Variants in ZNF143 observed in about 807,000 individuals in gnomAD.
ZNF143 encodes SPH-binding factor.
ZNF143 carries 49 observed loss-of-function variants against 74.1 expected under a neutral mutation model. That is an observed-to-expected ratio of 0.66 (90% confidence interval 0.53 to 0.84). ZNF143 has a LOEUF of 0.84. ZNF143 is among the 40% of genes least tolerant of loss of function. The pLI, the probability that ZNF143 is intolerant of heterozygous loss-of-function variation, is 0.00. For missense variants in ZNF143, 637 were observed against 793.4 expected (o/e 0.80, Z 2.37); for synonymous variants, 304 against 282.8 (o/e 1.07, Z -0.75).
rs751182860 is a variant in ZNF143, at chr11:9,472,729, T to G, written c.165T>G (p.Leu55=). 52 of 1,603,032 alleles carry G rather than the reference T, an allele frequency of 3.2e-5. No individual in the cohort carries two copies. The highest frequency in any genetic ancestry group is 4.3e-5 in the Non-Finnish European group (51 of 1,176,450). Residue 55 remains leucine, a synonymous_variant, in exon 3 of 16, where the codon CTT becomes CTG. Transcript: ENST00000396602. ...GCGTAAGCTTGCAAGCAGTAACACT[T>G]GCAGATGGTTCTACTGCTTACATAC... ...MEGVSLQAVT[L]ADGSTAYIQH... is the part of the protein sequence containing the mutation.
chr11:9,488,750 T>A (rs941394438), intron 7 of ZNF143, among the ~76,000 whole-genome samples: 39 of 152,316 alleles, frequency 2.6e-4, no homozygotes, highest in African/African-American at 8.7e-4. Context: ...AAAGTAGGTA[T>A]TTTGCCAATC....
intron 14 of ZNF143, 66 bp downstream of exon 14, chr11:9,516,428 G>A: frequency 7.0e-7 from 1 of 1,423,440 alleles, no homozygotes; most frequent in Non-Finnish European, 9.5e-7. Flanking sequence ...ACATAGGTAT[G>A]CAATGTGGTA....
chr11:9,475,414 C>T (rs1856819144), intron 5 of ZNF143, among the ~76,000 whole-genome samples: 1 of 152,104 alleles, frequency 6.6e-6, no homozygotes, highest in Non-Finnish European at 1.5e-5. Context: ...TGTGTGTCAC[C>T]ACAGCCAGCT....
At chr11:9,511,847 G>A (rs1848560996) in intron 12 of ZNF143, among the ~76,000 whole-genome samples, 1 of 150,596 alleles carries the variant, frequency 6.6e-6, no homozygotes, top group Admixed American at 6.6e-5. Context: ...TGCCTCCCGG[G>A]TTCATGCCAT....
At chr11:9,522,560 C>T (rs1589954399) in intron 14 of ZNF143, among the ~76,000 whole-genome samples, 1 of 152,318 alleles carries the variant, frequency 6.6e-6, no homozygotes, top group East Asian at 1.9e-4. Context: ...ATGGCACGCT[C>T]TCGGCTCACT....
intron 14 of ZNF143, among the ~76,000 whole-genome samples, chr11:9,522,369 G>A (rs10082685): frequency 0.05 from 7,640 of 151,816 alleles, 266 homozygotes; most frequent in Non-Finnish European, 0.075. Context: ...AGGACTGCAG[G>A]TACAAGCCAC....
chr11:9,474,534 A>G lies in ZNF143; in HGVS notation c.290-16A>G, dbSNP rs375953233. On this transcript the variant is annotated splice_polypyrimidine_tract_variant and intron_variant, in intron 4 of 15. Transcript: ENST00000396602. ...GCTAGAAAACATGAGATCTAAATGT[A>G]AGCATTGTTCTTGAGCAGGGGACAG... The G allele has an allele frequency of 1.2e-6, 2 of 1,613,710 alleles. No homozygotes were observed. Among genetic ancestry groups the G allele is most frequent in the South Asian group, 1.1e-5 (1 of 91,080 alleles).
At chr11:9,495,169 C>T (rs771535758) in intron 8 of ZNF143, among the ~76,000 whole-genome samples, 3 of 152,092 alleles carry the variant, frequency 2.0e-5, no homozygotes, top group Non-Finnish European at 2.9e-5. Flanking sequence ...TAAGGCTGGG[C>T]GTGGTGGCTC....
At chr11:9,478,641 T>C in intron 6 of ZNF143, 55 bp downstream of exon 6, 7 of 1,550,364 alleles carry the variant, frequency 4.5e-6, no homozygotes, top group Non-Finnish European at 5.2e-6. Flanking sequence ...TTATTTTTCA[T>C]GAAAAGAAAA....
At chr11:9,504,114 C>T (rs1464661381) in intron 11 of ZNF143, among the ~76,000 whole-genome samples, 3 of 151,556 alleles carry the variant, frequency 2.0e-5, no homozygotes, top group Non-Finnish European at 4.4e-5. Flanking sequence ...ACACCTGCCA[C>T]CACACCCAGC....
At chr11:9,520,323 ATTTTTTTTTTT>A (rs984661960) in intron 14 of ZNF143, among the ~76,000 whole-genome samples, 42 of 122,398 alleles carry the variant, frequency 3.4e-4, no homozygotes, top group Admixed American at 2.3e-3. Flanking sequence ...TGCCTGTCCA[ATTTTTTTTTTT>A]TTTTTTTTTT....
chr11:9,528,095 A>T lies in ZNF143; in HGVS notation c.*482A>T, dbSNP rs1849189495. ...GTAGAGTGTCTGCGGTTTTTGTTCT[A>T]CTATATGCTTGTCCATTTTTATTTG... On this transcript the variant is annotated 3_prime_UTR_variant, in exon 16 of 16. Transcript: ENST00000396602. 2.0e-5 allele frequency: 3 copies of T among 152,838 alleles called. No individual in the cohort carries two copies. The highest frequency in any genetic ancestry group is 2.9e-5 in the Non-Finnish European group (2 of 68,192). The allele number at this position is 152,838 out of a possible 1,614,324, so 9.5% of individuals were successfully genotyped here. A position where few individuals can be genotyped will look rare whatever the true frequency, so the allele number is the denominator to read the frequency against.
chr11:9,489,872 A>G (rs1847703208), intron 7 of ZNF143, among the ~76,000 whole-genome samples: 2 of 152,192 alleles, frequency 1.3e-5, no homozygotes, highest in African/African-American at 4.8e-5. Flanking sequence ...AAAACTCTAC[A>G]CTTGTATATG....
chr11:9,523,231 G>A (rs945348263), intron 14 of ZNF143, among the ~76,000 whole-genome samples: 2 of 152,022 alleles, frequency 1.3e-5, no homozygotes, highest in African/African-American at 4.8e-5. Context: ...AGGCAGGTCT[G>A]TTTCAGTGTT....
intron 14 of ZNF143, among the ~76,000 whole-genome samples, chr11:9,518,560 A>G (rs907960398): frequency 1.3e-5 from 2 of 152,166 alleles, no homozygotes; most frequent in Non-Finnish European, 2.9e-5. Context: ...ATAAAAATAC[A>G]AAAACATTAG....
rs1847511797 is a variant in ZNF143, at chr11:9,486,402, T to TTATATATAA, written c.645+6864_645+6865insATATATATA. ...TTATATATATAATATATATAATATA[T>TTATATATAA]TATATATATAATATATATTATATAT... On this transcript the variant is annotated intron_variant, in intron 7 of 15. Coordinates refer to ENST00000396602, the MANE Select transcript of ZNF143 (RefSeq NM_003442.6). 5.7e-4 allele frequency among the ~76,000 whole-genome samples: 15 copies of TTATATATAA among 26,534 alleles called. 2 individuals are homozygous for TTATATATAA. In the South Asian group the frequency reaches 0.014, roughly 25 times the overall value. 17.4% of individuals were successfully genotyped at this position (26,534 alleles called of 152,430 possible). A position where few individuals can be genotyped will look rare whatever the true frequency, so the allele number is the denominator to read the frequency against.
At chr11:9,479,682 G>T (rs762799871) in intron 7 of ZNF143, 136 bp downstream of exon 7, 1 of 616,284 alleles carries the variant, frequency 1.6e-6, no homozygotes, top group Non-Finnish European at 2.7e-6. Context: ...TATGTATTGG[G>T]CAGCAGCTTT....
At chr11:9,468,529 A>T (rs1040298445) in intron 1 of ZNF143, among the ~76,000 whole-genome samples, 1 of 152,206 alleles carries the variant, frequency 6.6e-6, no homozygotes, top group African/African-American at 2.4e-5. Flanking sequence ...TTCTGCCCCA[A>T]TTAGAATTGG....
chr11:9,501,328 T>A, intron 11 of ZNF143, 58 bp downstream of exon 11: 1 of 1,570,844 alleles, frequency 6.4e-7, no homozygotes, highest in Non-Finnish European at 8.7e-7. Context: ...AACTCCTGCC[T>A]TTTCCAGAAA....
Sources: allele counts gnomAD v4.1 joint callset (sites outside exome capture counted in the v4.1 genomes callset), GRCh38; gene constraint gnomAD v4.1.1; transcripts MANE v1.5; gene names NCBI Gene and HGNC (gene_info 2026-07-23, HGNC 2026-07-21).